The following FHIP1A variants were observed in gnomAD, a reference collection of about 807,000 sequenced individuals.
FHIP1A encodes FHF complex subunit HOOK interacting protein 1A.
A neutral mutation model predicts 88.6 loss-of-function variants in FHIP1A; 61 were observed. That is an observed-to-expected ratio of 0.69 (90% CI 0.56 to 0.85). The LOEUF is 0.85. FHIP1A is among the 40% of genes least tolerant of loss of function. The probability of loss-of-function intolerance (pLI) is 0.00; values close to 1 mark genes in which losing one functional copy is unlikely to be tolerated. For missense variants in FHIP1A, 1,154 were observed against 1,273.5 expected (o/e 0.91, Z 1.43); for synonymous variants, 478 against 496.0 (o/e 0.96, Z 0.48).
rs566432747 is a variant in FHIP1A at position 151,488,366 on chromosome 4, C to T, written c.-123+5718C>T. On this transcript the variant is annotated intron_variant, in intron 3 of 13. Coordinates refer to ENST00000435205, the MANE Select transcript of FHIP1A (RefSeq NM_001109977.3). ...AATGGTCTCCAGTGTCTATTGTTCC[C>T]ACTTATAAGTGAGAACATGTGGCAT... Among the ~76,000 whole-genome samples, 4 of 152,284 alleles carry T rather than the reference C, an allele frequency of 2.6e-5. No individual in the cohort carries two copies. In the South Asian group the frequency reaches 8.3e-4, roughly 32 times the overall value.
At chr4:151,644,100 T>C (rs927672159) in intron 9 of FHIP1A, among the ~76,000 whole-genome samples, 9 of 152,216 alleles carry the variant, frequency 5.9e-5, no homozygotes, top group African/African-American at 1.9e-4. Context: ...TATAAAAGCA[T>C]TGAAGCAGTT....
At chr4:151,414,553 C>T (rs1256896832) in intron 1 of FHIP1A, among the ~76,000 whole-genome samples, 1 of 152,182 alleles carries the variant, frequency 6.6e-6, no homozygotes, top group Non-Finnish European at 1.5e-5. Context: ...TGTTTAGAAG[C>T]TGGCATTCTT....
chr4:151,586,182 C>T (rs1187049051), intron 5 of FHIP1A, among the ~76,000 whole-genome samples: 2 of 152,096 alleles, frequency 1.3e-5, no homozygotes, highest in African/African-American at 2.4e-5. Context: ...ACTTTCTGTC[C>T]TGGACCACCT....
At chr4:151,593,461 C>G (rs1578794570) in intron 7 of FHIP1A, among the ~76,000 whole-genome samples, 2 of 152,106 alleles carry the variant, frequency 1.3e-5, no homozygotes, top group South Asian at 4.2e-4. Flanking sequence ...TGTAGTTCTC[C>G]TTGAAGAGGT....
chr4:151,484,373 C>T (rs1730003936), intron 3 of FHIP1A, among the ~76,000 whole-genome samples: 1 of 152,076 alleles, frequency 6.6e-6, no homozygotes, highest in South Asian at 2.1e-4. Context: ...TTGCCTTAGA[C>T]GTGAGGTTAT....
At chr4:151,560,674 G>T (rs1326573266) in intron 3 of FHIP1A, among the ~76,000 whole-genome samples, 1 of 152,122 alleles carries the variant, frequency 6.6e-6, no homozygotes, top group African/African-American at 2.4e-5. Context: ...AGAGTACAGT[G>T]ATCAGTTGGG....
intron 7 of FHIP1A, among the ~76,000 whole-genome samples, chr4:151,621,577 G>A (rs1342724428): frequency 2.0e-5 from 3 of 147,730 alleles, no homozygotes; most frequent in African/African-American, 7.5e-5. Context: ...GCGTGGGGGA[G>A]GAGTTGGGGG....
intron 3 of FHIP1A, among the ~76,000 whole-genome samples, chr4:151,544,327 G>A (rs1202015397): frequency 6.6e-6 from 1 of 152,120 alleles, no homozygotes; most frequent in Non-Finnish European, 1.5e-5. Context: ...TTAACCCATT[G>A]ACCCCGATCT....
chr4:151,527,552 C>A (rs557081152), intron 3 of FHIP1A, among the ~76,000 whole-genome samples: 1 of 151,418 alleles, frequency 6.6e-6, no homozygotes, highest in Non-Finnish European at 1.5e-5. Flanking sequence ...AGAGCGAGAG[C>A]GAGAGAGAGA....
At chr4:151,488,313 C>CT (rs1730157137) in intron 3 of FHIP1A, among the ~76,000 whole-genome samples, 1 of 152,132 alleles carries the variant, frequency 6.6e-6, no homozygotes, top group Non-Finnish European at 1.5e-5. Context: ...TTTTTCAGCT[C>CT]TTTCCCCCCT....
intron 8 of FHIP1A, among the ~76,000 whole-genome samples, chr4:151,630,453 A>G (rs1736114316): frequency 1.3e-5 from 2 of 152,202 alleles, no homozygotes; most frequent in Admixed American, 6.5e-5. Context: ...ATATATAGAG[A>G]TAATATATAA....
chr4:151,606,423 A>C (rs1387036482), intron 7 of FHIP1A, among the ~76,000 whole-genome samples: 1 of 152,162 alleles, frequency 6.6e-6, no homozygotes, highest in Admixed American at 6.5e-5. Flanking sequence ...AAAAGCATGG[A>C]ATGTAAGATG....
chr4:151,418,614 A>G (rs1444353311), intron 1 of FHIP1A, among the ~76,000 whole-genome samples: 1 of 152,212 alleles, frequency 6.6e-6, no homozygotes, highest in Non-Finnish European at 1.5e-5. Flanking sequence ...CAATATTGGC[A>G]TGCCAGGAGC....
At chr4:151,499,061 T>C (rs1331244861) in intron 3 of FHIP1A, among the ~76,000 whole-genome samples, 1 of 152,188 alleles carries the variant, frequency 6.6e-6, no homozygotes, top group African/African-American at 2.4e-5. Flanking sequence ...TTTAGAGGTG[T>C]GGTTGAAGAG....
At chr4:151,615,886 C>T (rs1052846996) in intron 7 of FHIP1A, among the ~76,000 whole-genome samples, 2 of 152,090 alleles carry the variant, frequency 1.3e-5, no homozygotes, top group African/African-American at 4.8e-5. Flanking sequence ...TTTGGACACC[C>T]AGAAAAGGAA....
intron 1 of FHIP1A, among the ~76,000 whole-genome samples, chr4:151,446,765 A>G (rs1256169532): frequency 6.6e-6 from 1 of 151,698 alleles, no homozygotes; most frequent in Non-Finnish European, 1.5e-5. Context: ...TAGAGTGCAC[A>G]CTATTAAAGT....
chr4:151,565,248 A>G (rs530283457), intron 3 of FHIP1A, among the ~76,000 whole-genome samples: 20 of 152,314 alleles, frequency 1.3e-4, no homozygotes, highest in Middle Eastern at 3.4e-3. Context: ...TAGTGAGACA[A>G]TACCACTGCC....
At chr4:151,647,149 T>G (rs1220846956) in intron 10 of FHIP1A, among the ~76,000 whole-genome samples, 1 of 152,186 alleles carries the variant, frequency 6.6e-6, no homozygotes, top group African/African-American at 2.4e-5. Flanking sequence ...GATTTACATA[T>G]TATTATATAT....
chr4:151,506,927 A>G (rs895675512), intron 3 of FHIP1A, among the ~76,000 whole-genome samples: 1 of 152,226 alleles, frequency 6.6e-6, no homozygotes, highest in African/African-American at 2.4e-5. Context: ...TTCCTGGGAC[A>G]GAGGACAGGT....
Sources: gnomAD v4.1 joint callset for allele counts (sites outside exome capture counted in the v4.1 genomes callset) on GRCh38, gnomAD v4.1.1 for gene constraint, MANE v1.5 for transcripts, NCBI Gene and HGNC (gene_info 2026-07-23, HGNC 2026-07-21) for gene names.